Variants in KCNAB1 observed in about 807,000 individuals in gnomAD.
KCNAB1 encodes the protein voltage-gated potassium channel subunit beta-1.
A neutral mutation model predicts 64.6 loss-of-function variants in KCNAB1; 35 were observed. That is an observed-to-expected ratio of 0.54 (90% CI 0.41 to 0.72). KCNAB1 has a LOEUF of 0.72. Ranked by LOEUF, KCNAB1 falls within the 30% of genes least tolerant of loss-of-function variation. KCNAB1 has a pLI of 0.00. For missense variants in KCNAB1, 401 were observed against 512.9 expected (o/e 0.78, Z 2.11); for synonymous variants, 177 against 183.8 (o/e 0.96, Z 0.30).
chr3:156,485,675 C>G (rs1348258755), intron 8 of KCNAB1, among the ~76,000 whole-genome samples: 1 of 151,944 alleles, frequency 6.6e-6, no homozygotes, highest in Non-Finnish European at 1.5e-5. Context: ...CTTTGGGCTT[C>G]TAGTGAACTG....
At chr3:156,428,715 C>A (rs753611972) in intron 2 of KCNAB1, among the ~76,000 whole-genome samples, 2 of 152,106 alleles carry the variant, frequency 1.3e-5, no homozygotes, top group African/African-American at 4.8e-5. Context: ...CAGCTGAGCA[C>A]ATATTAAACC....
At chr3:156,364,332 GTCAGAAATTCTCTCT>G (rs1725809610) in intron 1 of KCNAB1, among the ~76,000 whole-genome samples, 1 of 152,322 alleles carries the variant, frequency 6.6e-6, no homozygotes, top group East Asian at 1.9e-4. Flanking sequence ...CATTTTTCAT[GTCAGAAATTCTCTCT>G]TCAGACCTCA....
chr3:156,255,009 T>C (rs1718022165), intron 1 of KCNAB1, among the ~76,000 whole-genome samples: 1 of 152,222 alleles, frequency 6.6e-6, no homozygotes. Context: ...AGGCTCCCTC[T>C]CTTTTCCCTG....
intron 2 of KCNAB1, among the ~76,000 whole-genome samples, chr3:156,450,375 C>T (rs943522077): frequency 1.3e-5 from 2 of 152,172 alleles, no homozygotes; most frequent in African/African-American, 4.8e-5. Flanking sequence ...TTCCTTGACC[C>T]CTTCAAAATT....
At chr3:156,453,079 T>C (rs1712123593) in intron 3 of KCNAB1, 143 bp downstream of exon 3, 6 of 538,404 alleles carry the variant, frequency 1.1e-5, no homozygotes, top group Non-Finnish European at 1.7e-5. Context: ...TCAGAGATTA[T>C]TGTTGATTTT....
chr3:156,477,835 C>T (rs1337696162), intron 8 of KCNAB1, among the ~76,000 whole-genome samples: 1 of 152,048 alleles, frequency 6.6e-6, no homozygotes, highest in African/African-American at 2.4e-5. Context: ...GTACATTTGG[C>T]ACCCTAAAAA....
chr3:156,228,583 C>T (rs1186634848), intron 1 of KCNAB1, among the ~76,000 whole-genome samples: 1 of 152,172 alleles, frequency 6.6e-6, no homozygotes, highest in East Asian at 1.9e-4. Context: ...TGTGCTAGAG[C>T]TTGGAGGTGG....
chr3:156,268,631 A>G (rs1395182007), intron 1 of KCNAB1, among the ~76,000 whole-genome samples: 1 of 152,214 alleles, frequency 6.6e-6, no homozygotes, highest in Non-Finnish European at 1.5e-5. Flanking sequence ...AATGATGTAG[A>G]GCACCTTTTC....
intron 8 of KCNAB1, among the ~76,000 whole-genome samples, chr3:156,509,412 AG>A (rs1178672023): frequency 6.6e-6 from 1 of 151,894 alleles, no homozygotes; most frequent in African/African-American, 2.4e-5. Context: ...CTGCTGGTCC[AG>A]GAGCTACACC....
At chr3:156,462,199 GC>G (rs1312840721) in intron 5 of KCNAB1, among the ~76,000 whole-genome samples, 2 of 152,188 alleles carry the variant, frequency 1.3e-5, no homozygotes, top group Non-Finnish European at 2.9e-5. Context: ...GTGACAATTT[GC>G]CAGGCTGCTG....
chr3:156,288,262 G>A (rs1720205762), intron 1 of KCNAB1, among the ~76,000 whole-genome samples: 1 of 152,126 alleles, frequency 6.6e-6, no homozygotes, highest in African/African-American at 2.4e-5. Flanking sequence ...CCTCTTTAAT[G>A]TCCTATCTTA....
intron 1 of KCNAB1, among the ~76,000 whole-genome samples, chr3:156,332,682 T>A (rs1249420797): frequency 6.6e-6 from 1 of 152,144 alleles, no homozygotes; most frequent in African/African-American, 2.4e-5. Context: ...CAGAGCACAG[T>A]CAGACCCAGA....
chr3:156,228,373 G>A (rs1245369677), intron 1 of KCNAB1, among the ~76,000 whole-genome samples: 2 of 152,166 alleles, frequency 1.3e-5, no homozygotes, highest in East Asian at 3.9e-4. Context: ...AGCAGCAGTT[G>A]ATGGTTTTGC....
chr3:156,272,583 C>T (rs1414001001), intron 1 of KCNAB1, among the ~76,000 whole-genome samples: 1 of 151,850 alleles, frequency 6.6e-6, no homozygotes, highest in Admixed American at 6.6e-5. Context: ...GCTGCCAGGC[C>T]TGGGACTCTA....
intron 1 of KCNAB1, among the ~76,000 whole-genome samples, chr3:156,146,190 G>A (rs983108530): frequency 5.1e-4 from 77 of 152,314 alleles, no homozygotes; most frequent in African/African-American, 1.8e-3. Context: ...TGCATCAATT[G>A]AAAAGAAACT....
At chr3:156,206,424 G>A (rs146682628) in intron 1 of KCNAB1, among the ~76,000 whole-genome samples, 3 of 152,124 alleles carry the variant, frequency 2.0e-5, no homozygotes, top group Non-Finnish European at 4.4e-5. Context: ...AGATTCCTAT[G>A]ACCATCCCCC....
At chr3:156,394,073 C>G (rs148514892) in intron 1 of KCNAB1, among the ~76,000 whole-genome samples, 1 of 152,140 alleles carries the variant, frequency 6.6e-6, no homozygotes, top group East Asian at 1.9e-4. Context: ...GTTAATTAAA[C>G]ACCATTAAAT....
At chr3:156,338,547 G>A (rs1299379982) in intron 1 of KCNAB1, among the ~76,000 whole-genome samples, 9 of 151,858 alleles carry the variant, frequency 5.9e-5, no homozygotes, top group Non-Finnish European at 1.5e-5. Flanking sequence ...CCCGACCTCA[G>A]GTGATCCACC....
chr3:156,369,196 A>T (rs1560221305), intron 1 of KCNAB1, among the ~76,000 whole-genome samples: 1 of 152,144 alleles, frequency 6.6e-6, no homozygotes, highest in Non-Finnish European at 1.5e-5. Flanking sequence ...CAGAAGTGGA[A>T]TTTTTCAGAA....
Sources: allele counts gnomAD v4.1 joint callset (sites outside exome capture counted in the v4.1 genomes callset), GRCh38; gene constraint gnomAD v4.1.1; transcripts MANE v1.5; gene names NCBI Gene and HGNC (gene_info 2026-07-23, HGNC 2026-07-21).